Variants in PAX2 observed in about 807,000 individuals in gnomAD.
PAX2 encodes paired box protein Pax-2.
Under a neutral mutation model 41.7 loss-of-function variants are expected in PAX2, and 9 were observed. That is an observed-to-expected ratio of 0.22 (90% CI 0.13 to 0.38). The LOEUF (loss-of-function observed/expected upper bound fraction) is 0.38. Among genes scored for constraint, PAX2 ranks in the 10% least tolerant of loss-of-function variants. PAX2 has a pLI of 1.00. For missense variants in PAX2, 418 were observed against 531.6 expected (o/e 0.79, Z 2.10); for synonymous variants, 221 against 212.7 (o/e 1.04, Z -0.34).
At chr10:100,808,137 C>T (rs993103516) in intron 6 of PAX2, among the ~76,000 whole-genome samples, 4 of 152,156 alleles carry the variant, frequency 2.6e-5, no homozygotes, top group East Asian at 3.9e-4. Context: ...AAAGCAAATC[C>T]GAAGCCTAAT....
In PAX2 at chr10:100,776,358, T is replaced by G. The variant is rs140858599; in HGVS notation, c.411-3140T>G. On this transcript the variant is annotated intron_variant, in intron 3 of 9. Coordinates refer to ENST00000355243, the MANE Select transcript of PAX2 (RefSeq NM_000278.5). The stretch of plus-strand genomic sequence containing the variant: ...GCTACCAGAATCCCAAATCTGTGCT[T>G]CTTCTTGTTCCTAATTCCCTTCGGT... Among the ~76,000 whole-genome samples, 461 of 152,344 alleles carry G rather than the reference T, an allele frequency of 3.0e-3. 3 individuals are homozygous for G. Among genetic ancestry groups the G allele is most frequent in the African/African-American group, 9.4e-3 (390 of 41,578 alleles).
intron 5 of PAX2, among the ~76,000 whole-genome samples, chr10:100,787,402 A>C (rs1322979699): frequency 6.6e-6 from 1 of 152,206 alleles, no homozygotes; most frequent in African/African-American, 2.4e-5. Context: ...TTGTTTGTAA[A>C]AGTGGAAATC....
rs753661475 is a variant in PAX2 at position 100,824,669 on chromosome 10, C to A, written c.941C>A (p.Thr314Asn). 2 of 1,609,840 alleles carry A rather than the reference C, an allele frequency of 1.2e-6. No individual in the cohort carries two copies. Among genetic ancestry groups the A allele is most frequent in the African/African-American group, 2.7e-5 (2 of 74,850 alleles). The change falls in exon 8 of 10, where the codon ACT (threonine) becomes AAT (asparagine). Residue 314 changes from threonine to asparagine, a missense_variant. Transcript: ENST00000355243. This position sits in a 1 kb window ranked among gnomAD's most constrained non-coding sequence, Gnocchi z 6.6. ...VVTGRDMAST[T>N]LPGYPPHVPP... ...CCAGGTCGTGACATGGCGAGCACCA[C>A]TCTGCCTGGTTACCCCCCTCACGTG...
intron 5 of PAX2, chr10:100,786,917 G>A: frequency 7.4e-7 from 1 of 1,347,116 alleles, no homozygotes; most frequent in Non-Finnish European, 1.0e-6. Context: ...ATCTCTCAGT[G>A]TTTGTCTGTC....
intron 5 of PAX2, among the ~76,000 whole-genome samples, chr10:100,793,558 G>A (rs1381297259): frequency 6.6e-6 from 1 of 152,178 alleles, no homozygotes; most frequent in Non-Finnish European, 1.5e-5. Context: ...TCTTTTTCGG[G>A]GGAGCTAAGT....
At chr10:100,754,462 G>A (rs573796695) in intron 3 of PAX2, among the ~76,000 whole-genome samples, 10 of 152,130 alleles carry the variant, frequency 6.6e-5, no homozygotes, top group South Asian at 2.1e-4. Context: ...AACTTCTCAC[G>A]GATCTCCCAC....
At chr10:100,801,673 G>C (rs1429096396) in intron 5 of PAX2, among the ~76,000 whole-genome samples, 1 of 152,212 alleles carries the variant, frequency 6.6e-6, no homozygotes, top group Non-Finnish European at 1.5e-5. Flanking sequence ...GCCAGCACCT[G>C]TGCCACAGGC....
At position 100,817,509 on chromosome 10, in the gene PAX2, C is replaced by T. The variant is rs59915970; in HGVS notation, c.920-7139C>T. Among the ~76,000 whole-genome samples, 731 of 152,344 alleles carry T rather than the reference C, an allele frequency of 4.8e-3. 5 individuals are homozygous for T. The highest frequency in any genetic ancestry group is 0.017 in the African/African-American group (697 of 41,582). On this transcript the variant is annotated intron_variant, in intron 7 of 9. Transcript: ENST00000355243. ...GGGGTGCTGGGAGAAGGGATGGAAACAGCATGACTGGTTGTGTCCGGCCGG... is the reference window on the plus strand; with the variant it reads ...GGGGTGCTGGGAGAAGGGATGGAAATAGCATGACTGGTTGTGTCCGGCCGG...
At chr10:100,784,840 C>T (rs1846784409) in intron 5 of PAX2, among the ~76,000 whole-genome samples, 1 of 152,174 alleles carries the variant, frequency 6.6e-6, no homozygotes, top group African/African-American at 2.4e-5. Context: ...GTTTGAGACC[C>T]CTTCCCATGC....
intron 3 of PAX2, among the ~76,000 whole-genome samples, chr10:100,754,734 GA>G (rs1247700957): frequency 6.6e-6 from 1 of 152,226 alleles, no homozygotes; most frequent in African/African-American, 2.4e-5. Context: ...GAATGTTGAA[GA>G]TATGTTCCGG....
At chr10:100,799,056 G>T (rs1025396494) in intron 5 of PAX2, among the ~76,000 whole-genome samples, 8 of 152,234 alleles carry the variant, frequency 5.3e-5, no homozygotes, top group African/African-American at 1.9e-4. Context: ...AAGACTGGGG[G>T]GCAGCCTGGG....
At position 100,738,861 on chromosome 10, in the gene PAX2, G is replaced by T. The variant is rs534776512; in HGVS notation, c.25+3128G>T. ...CCTGTCCTGGCTCCTGAGGGATTCA[G>T]TTCAGCCCTTTTGTTTCAAGTTCGG... is the stretch of plus-strand genomic sequence containing the variant. On this transcript the variant is annotated intron_variant, in intron 1 of 9. Coordinates refer to the PAX2 transcript ENST00000679374. 9.9e-5 allele frequency among the ~76,000 whole-genome samples: 15 copies of T among 152,208 alleles called. No individual in the cohort carries two copies. In the South Asian group the frequency reaches 2.9e-3, roughly 29 times the overall value.
chr10:100,783,847 C>G (rs547104018), intron 5 of PAX2, among the ~76,000 whole-genome samples: 2 of 152,244 alleles, frequency 1.3e-5, no homozygotes, highest in Non-Finnish European at 2.9e-5. Context: ...AAACATTTAC[C>G]TGCTGGGCCT....
intron 1 of PAX2, among the ~76,000 whole-genome samples, chr10:100,739,340 G>C (rs1844873354): frequency 6.6e-6 from 1 of 152,206 alleles, no homozygotes; most frequent in Admixed American, 6.5e-5. Flanking sequence ...GGGCCTCCCA[G>C]TCTCTCTGGC....
At chr10:100,735,645 G>A in exon 1 of PAX2, 2 of 1,057,984 alleles carry the variant, frequency 1.9e-6, no homozygotes, top group South Asian at 8.9e-5. Flanking sequence ...ACGCGTTGTC[G>A]GGCCGCGGAG....
intron 1 of PAX2, among the ~76,000 whole-genome samples, chr10:100,737,678 T>C (rs1301186499): frequency 6.6e-6 from 1 of 152,014 alleles, no homozygotes; most frequent in Non-Finnish European, 1.5e-5. Flanking sequence ...CTCTTTCTCT[T>C]TTCACCGCCC....
chr10:100,778,777 G>A (rs1273158796), intron 3 of PAX2, among the ~76,000 whole-genome samples: 2 of 152,156 alleles, frequency 1.3e-5, no homozygotes, highest in African/African-American at 2.4e-5. Flanking sequence ...AACCAGGCTG[G>A]CAAAGACGCT....
chr10:100,754,610 G>A (rs932605587), intron 3 of PAX2, among the ~76,000 whole-genome samples: 2 of 152,208 alleles, frequency 1.3e-5, no homozygotes, highest in Admixed American at 1.3e-4. Context: ...AGGTCTTTGA[G>A]TCATTCTCAG....
Position 100,750,840 on chromosome 10 carries a change from C to A in PAX2, c.359C>A (p.Ala120Asp). 1 of 1,614,142 alleles carries A rather than the reference C, an allele frequency of 6.2e-7. No individual in the cohort carries two copies. Among genetic ancestry groups the A allele is most frequent in the Non-Finnish European group, 8.5e-7 (1 of 1,180,008 alleles). The change falls in exon 3 of 10, where the codon GCC (alanine) becomes GAC (aspartate). Residue 120 changes from alanine (A) to aspartate (D), a missense_variant. Transcript: ENST00000355243. This position sits in a 1 kb window ranked among gnomAD's most constrained non-coding sequence, Gnocchi z 4.1. ...FAWEIRDRLL[A>D]EGICDNDTVP... ...TGGGAGATTCGAGACCGGCTCCTGG[C>A]CGAGGGCATCTGTGACAATGACACA...
Sources: allele counts gnomAD v4.1 joint callset (sites outside exome capture counted in the v4.1 genomes callset), GRCh38; gene constraint gnomAD v4.1.1; non-coding constraint Gnocchi (gnomAD v3.1); transcripts MANE v1.5; gene names NCBI Gene and HGNC (gene_info 2026-07-23, HGNC 2026-07-21).